CADM2: variants seen among roughly 807,000 people sequenced by gnomAD.
CADM2 encodes cell adhesion molecule 2.
Under a neutral mutation model 49.8 loss-of-function variants are expected in CADM2, and 12 were observed. The observed-to-expected ratio is 0.24, with a 90% CI of 0.15 to 0.39. The LOEUF is 0.39. CADM2 is among the 10% of genes least tolerant of loss of function. CADM2 has a pLI of 1.00. For synonymous variants in CADM2, 214 were observed against 175.4 expected (o/e 1.22, Z -1.74); for missense variants, 378 against 492.3 (o/e 0.77, Z 2.20).
At chr3:85,331,751 G>T (rs2044935078) in intron 1 of CADM2, among the ~76,000 whole-genome samples, 1 of 151,870 alleles carries the variant, frequency 6.6e-6, no homozygotes, top group African/African-American at 2.4e-5. Context: ...ATGTATGAGG[G>T]TTCCCCTTTC....
intron 1 of CADM2, among the ~76,000 whole-genome samples, chr3:85,567,647 A>G (rs988926719): frequency 6.6e-6 from 1 of 151,732 alleles, no homozygotes; most frequent in African/African-American, 2.4e-5. Flanking sequence ...TTCCAGATAG[A>G]TAGATAGTAG....
At chr3:84,974,538 G>A (rs2031685957) in intron 1 of CADM2, among the ~76,000 whole-genome samples, 1 of 151,906 alleles carries the variant, frequency 6.6e-6, no homozygotes, top group African/African-American at 2.4e-5. Context: ...TTTATAAAGG[G>A]AACTAGGTGG....
At chr3:85,219,439 G>A (rs1002565143) in intron 1 of CADM2, among the ~76,000 whole-genome samples, 12 of 152,118 alleles carry the variant, frequency 7.9e-5, no homozygotes. Flanking sequence ...AAGTCACAGT[G>A]CTACCAATAG....
At chr3:85,081,345 C>G (rs2037157738) in intron 1 of CADM2, among the ~76,000 whole-genome samples, 1 of 152,120 alleles carries the variant, frequency 6.6e-6, no homozygotes, top group South Asian at 2.1e-4. Context: ...TGAGTTACCT[C>G]ATGTAAAACT....
intron 8 of CADM2, among the ~76,000 whole-genome samples, chr3:86,064,446 A>T (rs976053609): frequency 2.0e-5 from 3 of 152,102 alleles, no homozygotes; most frequent in African/African-American, 7.2e-5. Context: ...TTCTTAATCC[A>T]GTCTATCATT....
chr3:85,804,085 C>G (rs1035426014), intron 3 of CADM2, among the ~76,000 whole-genome samples: 1 of 151,948 alleles, frequency 6.6e-6, no homozygotes, highest in African/African-American at 2.4e-5. Flanking sequence ...AGAGATTAAA[C>G]AATCTCTTTT....
rs143013783 is a variant in CADM2, at chr3:85,543,423, T to TGTGTGGGGGTGTGTGTGTGTGG, written c.62-183094_62-183093insGGGGTGTGTGTGTGTGGGTGTG. On this transcript the variant is annotated intron_variant, in intron 1 of 9. Coordinates refer to ENST00000383699, the MANE Select transcript of CADM2 (RefSeq NM_001167675.2). ...GCACCGCCACCATGCCAAGCTAATG[T>TGTGTGGGGGTGTGTGTGTGTGG]GTGTGTGTGTGTGTGTGTGTGTGTG... 1.0e-3 allele frequency among the ~76,000 whole-genome samples: 104 copies of TGTGTGGGGGTGTGTGTGTGTGG among 99,286 alleles called. 1 individual carries two copies. Among genetic ancestry groups the TGTGTGGGGGTGTGTGTGTGTGG allele is most frequent in the Middle Eastern group, 5.9e-3 (1 of 170 alleles). 65.1% of individuals were successfully genotyped at this position (99,286 alleles called of 152,430 possible). A position where few individuals can be genotyped will look rare whatever the true frequency, so the allele number is the denominator to read the frequency against.
intron 1 of CADM2, among the ~76,000 whole-genome samples, chr3:85,627,053 G>A (rs2064149881): frequency 6.6e-6 from 1 of 151,980 alleles, no homozygotes; most frequent in Admixed American, 6.6e-5. Flanking sequence ...TCCAAAAAAT[G>A]TCTGCATAGC....
At chr3:85,632,532 G>C (rs538850038) in intron 1 of CADM2, among the ~76,000 whole-genome samples, 1 of 152,202 alleles carries the variant, frequency 6.6e-6, no homozygotes, top group South Asian at 2.1e-4. Flanking sequence ...TTTTCTGGCT[G>C]CTTCTTTAAT....
At chr3:85,158,959 C>G (rs893918632) in intron 1 of CADM2, among the ~76,000 whole-genome samples, 4 of 152,006 alleles carry the variant, frequency 2.6e-5, no homozygotes, top group Non-Finnish European at 5.9e-5. Flanking sequence ...ATGTTGACGT[C>G]TGCGTGTGTG....
chr3:85,390,832 C>G (rs1047827146), intron 1 of CADM2, among the ~76,000 whole-genome samples: 1 of 152,076 alleles, frequency 6.6e-6, no homozygotes, highest in African/African-American at 2.4e-5. Flanking sequence ...ACATGCCAGT[C>G]TCCTCCATTT....
At chr3:85,478,965 G>T (rs965186729) in intron 1 of CADM2, among the ~76,000 whole-genome samples, 1 of 151,232 alleles carries the variant, frequency 6.6e-6, no homozygotes, top group African/African-American at 2.4e-5. Context: ...TTTATCTAGA[G>T]ACAGGGTCTC....
chr3:85,118,911 A>G (rs566926063), intron 1 of CADM2, among the ~76,000 whole-genome samples: 1 of 151,988 alleles, frequency 6.6e-6, no homozygotes, highest in South Asian at 2.1e-4. Flanking sequence ...CACCACACCC[A>G]GCTAATTTTG....
At chr3:85,103,868 A>C (rs2038107904) in intron 1 of CADM2, among the ~76,000 whole-genome samples, 1 of 152,188 alleles carries the variant, frequency 6.6e-6, no homozygotes, top group Non-Finnish European at 1.5e-5. Flanking sequence ...GTAGTGGGCT[A>C]GGATGACATG....
intron 1 of CADM2, among the ~76,000 whole-genome samples, chr3:85,293,503 C>A (rs1227205004): frequency 1.5e-5 from 2 of 137,366 alleles, no homozygotes; most frequent in Non-Finnish European, 3.1e-5. Context: ...AATTTTAGAC[C>A]AATATCCTTG....
chr3:84,976,237 A>G (rs2031807321), intron 1 of CADM2, among the ~76,000 whole-genome samples: 1 of 151,808 alleles, frequency 6.6e-6, no homozygotes, highest in Admixed American at 6.6e-5. Flanking sequence ...ACATGTTCAG[A>G]AACCATTCCG....
At chr3:86,012,733 T>C (rs1188258170) in intron 8 of CADM2, 6 of 830,106 alleles carry the variant, frequency 7.2e-6, no homozygotes, top group Non-Finnish European at 1.2e-5. Context: ...CTCACGCCTG[T>C]AATCCCAGCA....
At chr3:85,609,248 G>A (rs1340302346) in intron 1 of CADM2, among the ~76,000 whole-genome samples, 1 of 152,006 alleles carries the variant, frequency 6.6e-6, no homozygotes, top group African/African-American at 2.4e-5. Context: ...AGAGGTGTTA[G>A]GGGCATGACA....
intron 2 of CADM2, among the ~76,000 whole-genome samples, chr3:85,750,791 G>A (rs542882325): frequency 5.9e-5 from 9 of 151,964 alleles, no homozygotes; most frequent in Non-Finnish European, 1.0e-4. Flanking sequence ...CTAAGCTAGG[G>A]TCCTCCATGC....
Sources: gnomAD v4.1 joint callset for allele counts (sites outside exome capture counted in the v4.1 genomes callset) on GRCh38, gnomAD v4.1.1 for gene constraint, MANE v1.5 for transcripts, NCBI Gene and HGNC (gene_info 2026-07-23, HGNC 2026-07-21) for gene names.